Variants in AKAP10 observed in about 807,000 individuals in gnomAD.
AKAP10 encodes A-kinase anchoring protein 10.
AKAP10 carries 24 observed loss-of-function variants against 80.8 expected under a neutral mutation model. The observed-to-expected ratio is 0.30, with a 90% CI of 0.22 to 0.42. The LOEUF is 0.42. AKAP10 is among the 10% of genes least tolerant of loss of function. The pLI is 1.00. For synonymous variants in AKAP10, 291 were observed against 277.7 expected (o/e 1.05, Z -0.48); for missense variants, 661 against 794.9 (o/e 0.83, Z 2.03).
At chr17:19,917,692 T>C (rs1278819014) in intron 12 of AKAP10, among the ~76,000 whole-genome samples, 1 of 152,180 alleles carries the variant, frequency 6.6e-6, no homozygotes, top group Non-Finnish European at 1.5e-5. Flanking sequence ...CCCAGTACTT[T>C]GGGAGGCCAA....
intron 1 of AKAP10, among the ~76,000 whole-genome samples, chr17:19,972,266 C>G (rs183493540): frequency 3.9e-5 from 6 of 152,062 alleles, no homozygotes; most frequent in African/African-American, 1.4e-4. Flanking sequence ...TTCCTTGTTT[C>G]CTTTGAGGTT....
At chr17:19,965,603 G>A in intron 2 of AKAP10, among the ~76,000 whole-genome samples, 1 of 152,190 alleles carries the variant, frequency 6.6e-6, no homozygotes, top group Non-Finnish European at 1.5e-5. Flanking sequence ...TGGGCTGGTA[G>A]GGAGAAGAGA....
intron 5 of AKAP10, among the ~76,000 whole-genome samples, chr17:19,946,452 C>T (rs2043133529): frequency 6.8e-6 from 1 of 147,176 alleles, no homozygotes; most frequent in South Asian, 2.1e-4. Context: ...CTTAACTTCT[C>T]TGTGCTTCAG....
intron 12 of AKAP10, among the ~76,000 whole-genome samples, chr17:19,910,354 A>G (rs139055967): frequency 6.7e-6 from 1 of 148,592 alleles, no homozygotes; most frequent in Non-Finnish European, 1.5e-5. Context: ...CACTATCACC[A>G]CCACCACCAC....
chr17:19,957,868 C>T (rs552613867), intron 4 of AKAP10, 146 bp downstream of exon 4: 2 of 830,830 alleles, frequency 2.4e-6, no homozygotes, highest in Non-Finnish European at 1.8e-6. Flanking sequence ...GACTCTACTA[C>T]ACTCTCCAAA....
chr17:19,944,972 AG>A (rs2043087819), intron 5 of AKAP10, among the ~76,000 whole-genome samples: 1 of 152,236 alleles, frequency 6.6e-6, no homozygotes, highest in African/African-American at 2.4e-5. Flanking sequence ...ACTCACTTGA[AG>A]GACAGCTATA....
Position 19,909,882 on chromosome 17 carries a change from G to A in AKAP10, c.1887+44C>T, listed in dbSNP as rs374798432. On this transcript the variant is annotated intron_variant, in intron 13 of 14. Coordinates refer to ENST00000225737, the MANE Select transcript of AKAP10 (RefSeq NM_007202.4). ...TTTAAACCTCACTTACATGAGGGTG[G>A]CACTTATAAACAGAAATCTTTTTAT... 6.3e-6 allele frequency: 10 copies of A among 1,582,752 alleles called. No homozygotes were observed. The African/African-American group carries it at 1.2e-4, about 19-fold the overall frequency.
At chr17:19,906,307 G>A in intron 14 of AKAP10, 75 bp from the exon 15 acceptor site, 1 of 1,497,924 alleles carries the variant, frequency 6.7e-7, no homozygotes, top group South Asian at 1.1e-5. Flanking sequence ...AATTAAGGAT[G>A]GACACCAACA....
chr17:19,969,299 C>T (rs8068015), intron 1 of AKAP10, among the ~76,000 whole-genome samples: 10,274 of 152,072 alleles, frequency 0.068, 1,030 homozygotes, highest in African/African-American at 0.22. Flanking sequence ...GAGCCGAGAT[C>T]GCGACACTGT....
chr17:19,949,609 A>G (rs2043175536), intron 4 of AKAP10, among the ~76,000 whole-genome samples: 1 of 152,094 alleles, frequency 6.6e-6, no homozygotes, highest in South Asian at 2.1e-4. Context: ...CTCTACTAAA[A>G]ATACAAAAAT....
At chr17:19,932,794 G>T (rs549079306) in intron 9 of AKAP10, among the ~76,000 whole-genome samples, 8 of 147,282 alleles carry the variant, frequency 5.4e-5, no homozygotes, top group African/African-American at 2.0e-4. Flanking sequence ...TTTCCACATT[G>T]TTTTTTTTTC....
At chr17:19,944,515 C>T (rs1374607135) in intron 5 of AKAP10, among the ~76,000 whole-genome samples, 3 of 152,018 alleles carry the variant, frequency 2.0e-5, no homozygotes, top group South Asian at 2.1e-4. Context: ...ATTAGCCAGG[C>T]GTGGTGGCGA....
At chr17:19,947,246 A>G (rs1233101566) in intron 5 of AKAP10, 161 bp downstream of exon 5, 6 of 622,378 alleles carry the variant, frequency 9.6e-6, no homozygotes, top group Non-Finnish European at 1.7e-5. Flanking sequence ...AAACTTTTAA[A>G]GTGAGCTATA....
At chr17:19,968,201 C>CAAAA (rs34802640) in intron 2 of AKAP10, among the ~76,000 whole-genome samples, 6 of 68,884 alleles carry the variant, frequency 8.7e-5, no homozygotes, top group African/African-American at 2.2e-4. Context: ...ACTCCGTCTC[C>CAAAA]AAAAAAAAAA....
intron 9 of AKAP10, chr17:19,935,995 CTTT>C (rs2042988166): frequency 4.4e-6 from 1 of 228,720 alleles, no homozygotes; most frequent in East Asian, 8.8e-5. Flanking sequence ...TTTCTTTTTT[CTTT>C]TTTACTTATT....
chr17:19,977,664 G>A lies in AKAP10; in HGVS notation c.16C>T (p.Pro6Ser). The change falls in exon 1 of 15, where the codon CCC (proline) becomes TCC (serine). Residue 6 changes from proline to serine, a missense_variant. Coordinates refer to ENST00000225737, the MANE Select transcript of AKAP10 (RefSeq NM_007202.4). MRGAG[P>S]SPRQSPRTLR... ...GTGCGGGGGGACTGGCGCGGGGAGG[G>A]CCCGGCTCCCCTCATTCAGCAACCG... 1 of 1,234,988 alleles carries A rather than the reference G, an allele frequency of 8.1e-7. No homozygotes were observed. The highest frequency in any genetic ancestry group is 1.0e-6 in the Non-Finnish European group (1 of 987,410). The allele number at this position is 1,234,988 out of a possible 1,614,324, so 76.5% of individuals were successfully genotyped here. A position where few individuals can be genotyped will look rare whatever the true frequency, so the allele number is the denominator to read the frequency against.
rs780516501 is a variant in AKAP10, at chr17:19,962,892, G to A, written c.267C>T (p.Ala89=). 8 of 1,614,034 alleles carry A rather than the reference G, an allele frequency of 5.0e-6. No homozygotes were observed. Among genetic ancestry groups the A allele is most frequent in the South Asian group, 1.1e-5 (1 of 91,080 alleles). ...TGTGGCTTGGCTGCTTCTTAAGTGTGGCTGTCCTGCTACTTGAAAAGGAGT... is the reference window on the plus strand; with the variant it reads ...TGTGGCTTGGCTGCTTCTTAAGTGTAGCTGTCCTGCTACTTGAAAAGGAGT... ...NMDSFSSSRT[A]TLKKQPSHME... is the part of the protein sequence containing the mutation. The change falls in exon 3 of 15, where the codon GCC becomes GCT. Residue 89 remains alanine, a synonymous_variant. Coordinates refer to ENST00000225737, the MANE Select transcript of AKAP10 (RefSeq NM_007202.4).
intron 8 of AKAP10, among the ~76,000 whole-genome samples, chr17:19,937,975 CTTT>C (rs547191721): frequency 3.1e-5 from 4 of 129,160 alleles, no homozygotes; most frequent in Non-Finnish European, 3.3e-5. Flanking sequence ...GACTGGAAAC[CTTT>C]TTTTTTTTTT....
rs946655671 is a variant in AKAP10 at position 19,904,941 on chromosome 17, T to C, written c.*1286A>G. The C allele has an allele frequency of 2.0e-5, 3 of 151,634 alleles. No individual in the cohort carries two copies. Among genetic ancestry groups the C allele is most frequent in the Non-Finnish European group, 1.5e-5 (1 of 67,958 alleles). 9.4% of individuals were successfully genotyped at this position (151,634 alleles called of 1,614,324 possible). A position where few individuals can be genotyped will look rare whatever the true frequency, so the allele number is the denominator to read the frequency against. ...AACAGTGTGCCTCTATACAATCAAATATTGCAATGGAATAAATTCTCTGTT... is the reference window on the plus strand; with the variant it reads ...AACAGTGTGCCTCTATACAATCAAACATTGCAATGGAATAAATTCTCTGTT... On this transcript the variant is annotated 3_prime_UTR_variant, in exon 15 of 15. Transcript: ENST00000225737.
Sources: allele counts gnomAD v4.1 joint callset (sites outside exome capture counted in the v4.1 genomes callset), GRCh38; gene constraint gnomAD v4.1.1; transcripts MANE v1.5; gene names NCBI Gene and HGNC (gene_info 2026-07-23, HGNC 2026-07-21).